ST3GAL4: variants seen among roughly 807,000 people sequenced by gnomAD.
ST3GAL4 encodes ST3 beta-galactoside alpha-2,3-sialyltransferase 4, also known as CMP-N-acetylneuraminate-beta-galactosamide-alpha-2,3-sialyltransferase 4.
In ST3GAL4, 24 loss-of-function variants were observed where a neutral mutation model predicts 42.6. That is an observed-to-expected ratio of 0.56 (90% CI 0.41 to 0.79). The LOEUF (loss-of-function observed/expected upper bound fraction) is 0.79. Among genes scored for constraint, ST3GAL4 ranks in the 30% least tolerant of loss-of-function variants. The probability of loss-of-function intolerance (pLI) is 0.00; values close to 1 mark genes in which losing one functional copy is unlikely to be tolerated. For missense variants in ST3GAL4, 311 were observed against 430.8 expected (o/e 0.72, Z 2.46); for synonymous variants, 135 against 163.2 (o/e 0.83, Z 1.32).
At chr11:126,358,487 C>T (rs575962167) in intron 1 of ST3GAL4, 1 of 454,886 alleles carries the variant, frequency 2.2e-6, no homozygotes, top group East Asian at 7.0e-5. Flanking sequence ...ATCACCCCAA[C>T]CCCTGCCACA....
At chr11:126,370,288 C>G (rs1212214775) in intron 1 of ST3GAL4, among the ~76,000 whole-genome samples, 1 of 152,220 alleles carries the variant, frequency 6.6e-6, no homozygotes, top group Non-Finnish European at 1.5e-5. Flanking sequence ...TCCCCCAGCA[C>G]TGTGTAGCTC....
chr11:126,374,982 G>A (rs1290587810), intron 1 of ST3GAL4: 2 of 152,112 alleles, frequency 1.3e-5, no homozygotes, highest in Non-Finnish European at 2.9e-5. Context: ...AGGAATCGCT[G>A]TGGGTTGGCA....
At chr11:126,407,122 G>C in intron 4 of ST3GAL4, 99 bp downstream of exon 4, 1 of 1,461,836 alleles carries the variant, frequency 6.8e-7, no homozygotes, top group Admixed American at 1.7e-5. Context: ...CAGCTGTGTT[G>C]GTGGACATGG....
chr11:126,409,243 C>G lies in ST3GAL4; in HGVS notation c.628-25C>G. 1.2e-6 allele frequency: 2 copies of G among 1,610,222 alleles called. No individual in the cohort carries two copies. Among genetic ancestry groups the G allele is most frequent in the Non-Finnish European group, 1.7e-6 (2 of 1,176,626 alleles). On this transcript the variant is annotated intron_variant, in intron 8 of 10. Coordinates refer to ENST00000444328, the MANE Select transcript of ST3GAL4 (RefSeq NM_001254757.2). The surrounding 1 kb of genome is among the most constrained non-coding windows in gnomAD (Gnocchi z 4.9). ...AACAGGGCTTCACCCGCTTCTGTCT[C>G]TCTCTTCTGACCCCATCCTCCTAGG...
At chr11:126,368,137 A>G (rs1283482768) in intron 1 of ST3GAL4, among the ~76,000 whole-genome samples, 1 of 146,018 alleles carries the variant, frequency 6.8e-6, no homozygotes, top group African/African-American at 2.6e-5. Flanking sequence ...ACAGAGTGAG[A>G]CTGTCTCACA....
At chr11:126,388,038 A>G (rs1272144229) in intron 1 of ST3GAL4, among the ~76,000 whole-genome samples, 2 of 152,230 alleles carry the variant, frequency 1.3e-5, no homozygotes, top group Non-Finnish European at 2.9e-5. Context: ...CTTAACCCCT[A>G]GAAAAAGTGC....
chr11:126,407,098 G>A (rs773518021), intron 4 of ST3GAL4, 75 bp downstream of exon 4: 5 of 1,517,600 alleles, frequency 3.3e-6, no homozygotes, highest in Non-Finnish European at 3.7e-6. Flanking sequence ...AGTGTGGGGA[G>A]TAGATGGAAA....
At chr11:126,381,160 C>T (rs536680084) in intron 1 of ST3GAL4, among the ~76,000 whole-genome samples, 11 of 152,280 alleles carry the variant, frequency 7.2e-5, no homozygotes, top group African/African-American at 1.4e-4. Flanking sequence ...TGGCTTTGCT[C>T]GGCCTTAGAG....
rs1484171739 is a variant in ST3GAL4, at chr11:126,410,304, G to T, written c.771+893G>T. On this transcript the variant is annotated intron_variant, in intron 9 of 10. Transcript: ENST00000444328. The surrounding 1 kb of genome is among the most constrained non-coding windows in gnomAD (Gnocchi z 5.3). ...GCAGTGCCCTGGTGGTCTTCAGCTG[G>T]TGGGCTTTAACCCACTTTGTAGCTT... Among the ~76,000 whole-genome samples the T allele has an allele frequency of 6.6e-6, 1 of 152,174 alleles. No homozygotes were observed. Among genetic ancestry groups the T allele is most frequent in the East Asian group, 1.9e-4 (1 of 5,202 alleles).
At position 126,406,535 on chromosome 11, in the gene ST3GAL4, C is replaced by T. The variant is rs11559148; in HGVS notation, c.79C>T (p.Arg27Trp). 26 of 1,614,004 alleles carry T rather than the reference C, an allele frequency of 1.6e-5. No homozygotes were observed. The highest frequency in any genetic ancestry group is 1.7e-5 in the Admixed American group (1 of 59,990). The change falls in exon 3 of 11, where the codon CGG becomes TGG. Residue 27 changes from arginine to tryptophan, a missense_variant. Arg to Trp is a moderately radical substitution (Grantham distance 101). Transcript: ENST00000444328. This position sits in a 1 kb window ranked among gnomAD's most constrained non-coding sequence, Gnocchi z 5.4. ...LVVMVWYSIS[R>W]EDRYIELFYF... ...CGTCATGGTGTGGTATTCCATCTCC[C>T]GGGAAGACAGGTACATCGAGCTGTG... is the stretch of plus-strand genomic sequence containing the variant.
chr11:126,388,664 T>G (rs1953334630), intron 1 of ST3GAL4, among the ~76,000 whole-genome samples: 1 of 136,168 alleles, frequency 7.3e-6, no homozygotes, highest in African/African-American at 2.7e-5. Context: ...TTTCTTGTTT[T>G]TTTTTTTTTT....
intron 1 of ST3GAL4, among the ~76,000 whole-genome samples, chr11:126,385,971 G>A (rs1248941449): frequency 2.0e-5 from 3 of 152,084 alleles, no homozygotes; most frequent in Non-Finnish European, 4.4e-5. Context: ...ACGTGTCCCC[G>A]TGGCCTCCCT....
intron 1 of ST3GAL4, among the ~76,000 whole-genome samples, chr11:126,402,350 G>A (rs1330523397): frequency 6.6e-6 from 1 of 151,868 alleles, no homozygotes; most frequent in Non-Finnish European, 1.5e-5. Flanking sequence ...CAGCTACTCA[G>A]GAGGCTGAGG....
At chr11:126,395,872 C>T (rs1158608222) in intron 1 of ST3GAL4, among the ~76,000 whole-genome samples, 1 of 152,154 alleles carries the variant, frequency 6.6e-6, no homozygotes, top group Non-Finnish European at 1.5e-5. Flanking sequence ...CAGACTAACG[C>T]AGGCAGCCTG....
rs773198228 is a variant in ST3GAL4, at chr11:126,411,670, C to T, written c.772-1835C>T. Among the ~76,000 whole-genome samples the T allele has an allele frequency of 5.3e-5, 8 of 152,142 alleles. No individual in the cohort carries two copies. The highest frequency in any genetic ancestry group is 1.9e-4 in the East Asian group (1 of 5,190). ...TGTGGTTGAAATAATTCGGTTCCTG[C>T]GATTGTAGAACTGAGGTCCCCATTT... On this transcript the variant is annotated intron_variant, in intron 9 of 10. Coordinates refer to ENST00000444328, the MANE Select transcript of ST3GAL4 (RefSeq NM_001254757.2). The surrounding 1 kb of genome is among the most constrained non-coding windows in gnomAD (Gnocchi z 6.3).
chr11:126,358,890 G>A (rs1035343115), intron 1 of ST3GAL4, among the ~76,000 whole-genome samples: 3 of 152,240 alleles, frequency 2.0e-5, no homozygotes, highest in African/African-American at 7.2e-5. Flanking sequence ...GGAGGTTGCT[G>A]CTGCTCGGGC....
chr11:126,407,502 A>G (rs1291505846), intron 5 of ST3GAL4, 72 bp from the exon 6 acceptor site: 21 of 1,583,642 alleles, frequency 1.3e-5, no homozygotes, highest in Middle Eastern at 1.7e-4. Context: ...TCTGAGGAGC[A>G]GTGGAGGGAG....
Position 126,411,957 on chromosome 11 carries a change from C to T in ST3GAL4, c.772-1548C>T, listed in dbSNP as rs1035553570. ...ACGTCACGTAATCGCATCATATTCA[C>T]GGGCTCCCCACACGCGCAAGGGAGG... On this transcript the variant is annotated intron_variant, in intron 9 of 10. Coordinates refer to ENST00000444328, the MANE Select transcript of ST3GAL4 (RefSeq NM_001254757.2). The surrounding 1 kb of genome is among the most constrained non-coding windows in gnomAD (Gnocchi z 6.3). Among the ~76,000 whole-genome samples, 3 of 152,120 alleles carry T rather than the reference C, an allele frequency of 2.0e-5. No homozygotes were observed. Among genetic ancestry groups the T allele is most frequent in the African/African-American group, 7.2e-5 (3 of 41,400 alleles).
chr11:126,399,670 G>GT (rs1953925420), intron 1 of ST3GAL4, among the ~76,000 whole-genome samples: 1 of 152,072 alleles, frequency 6.6e-6, no homozygotes, highest in Non-Finnish European at 1.5e-5. Flanking sequence ...ACAGTATACA[G>GT]TTAAAATAAG....
Sources: allele counts gnomAD v4.1 joint callset (sites outside exome capture counted in the v4.1 genomes callset), GRCh38; gene constraint gnomAD v4.1.1; non-coding constraint Gnocchi (gnomAD v3.1); transcripts MANE v1.5; gene names NCBI Gene and HGNC (gene_info 2026-07-23, HGNC 2026-07-21).